GCN1: variants seen among roughly 807,000 people sequenced by gnomAD.
GCN1 encodes GCN1 activator of EIF2AK4, also known as stalled ribosome sensor GCN1.
Under a neutral mutation model 288.4 loss-of-function variants are expected in GCN1, and 90 were observed. The observed-to-expected ratio is 0.31, with a 90% CI of 0.26 to 0.37. GCN1 has a LOEUF of 0.37. Among genes scored for constraint, GCN1 ranks in the 10% least tolerant of loss-of-function variants. The pLI, the probability that GCN1 is intolerant of heterozygous loss-of-function variation, is 1.00. For missense variants in GCN1, 2,586 were observed against 3,419.9 expected, an observed-to-expected ratio of 0.76 and a Z score of 6.08; for synonymous variants, 1,386 against 1,420.2, an observed-to-expected ratio of 0.98 and a Z score of 0.54.
Position 120,144,960 on chromosome 12 carries a change from A to G in GCN1, c.5118T>C (p.Tyr1706=). The G allele has an allele frequency of 6.2e-7, 1 of 1,614,176 alleles. No individual in the cohort carries two copies. The highest frequency in any genetic ancestry group is 8.5e-7 in the Non-Finnish European group (1 of 1,180,028). ...LLPWLMETLT[Y]EQSSVDRSGA... ...CTGAGCGATCCACAGAGCTCTGCTC[A>G]TAGGTCAGTGTCTCCATCAGCCACG... is the stretch of plus-strand genomic sequence containing the variant. Residue 1706 remains tyrosine (Y), a synonymous_variant, in exon 40 of 58, where the codon TAT becomes TAC. Coordinates refer to ENST00000300648, the MANE Select transcript of GCN1 (RefSeq NM_006836.2). The surrounding 1 kb of genome is among the most constrained non-coding windows in gnomAD (Gnocchi z 4.7).
In GCN1 at chr12:120,150,049, G is replaced by C; in HGVS notation, c.4310-6C>G. 6.2e-7 allele frequency: 1 copy of C among 1,613,672 alleles called. No individual in the cohort carries two copies. Among genetic ancestry groups the C allele is most frequent in the Non-Finnish European group, 8.5e-7 (1 of 1,179,898 alleles). On this transcript the variant is annotated splice_polypyrimidine_tract_variant and splice_region_variant and intron_variant, in intron 34 of 57. Transcript: ENST00000300648. ...CTCGAAGGCAAAGAGGGCTCCTAGG[G>C]GAAAAGAAGGTGGGACGGCTGGGAA... is the stretch of plus-strand genomic sequence containing the variant.
At chr12:120,192,592 C>T (rs1342798690) in intron 1 of GCN1, among the ~76,000 whole-genome samples, 11 of 151,710 alleles carry the variant, frequency 7.3e-5, no homozygotes, top group Non-Finnish European at 1.5e-4. Flanking sequence ...ATTAGCTGGG[C>T]GTGGTGCCGG....
chr12:120,179,698 C>T (rs926498741), intron 5 of GCN1, among the ~76,000 whole-genome samples: 2 of 151,818 alleles, frequency 1.3e-5, no homozygotes, highest in Non-Finnish European at 2.9e-5. Flanking sequence ...TGCGCCCAGC[C>T]GGTCCCTGCT....
intron 2 of GCN1, among the ~76,000 whole-genome samples, chr12:120,186,184 C>T (rs1198081182): frequency 1.3e-5 from 2 of 152,008 alleles, no homozygotes; most frequent in African/African-American, 4.8e-5. Context: ...CCTAAAAATA[C>T]AAAAATTACC....
intron 1 of GCN1, among the ~76,000 whole-genome samples, chr12:120,192,816 G>A (rs549220884): frequency 5.1e-4 from 76 of 148,348 alleles, no homozygotes; most frequent in Non-Finnish European, 7.3e-4. Context: ...AGACAGAGGC[G>A]GACAGATTGC....
rs1168384033 is a variant in GCN1, at chr12:120,177,699, A to G, written c.714T>C (p.Pro238=). 6.2e-7 allele frequency: 1 copy of G among 1,613,276 alleles called. No homozygotes were observed. The highest frequency in any genetic ancestry group is 2.2e-5 in the East Asian group (1 of 44,878). The change falls in exon 8 of 58, where the codon CCT becomes CCC. Residue 238 remains proline (P), a synonymous_variant. Coordinates refer to ENST00000300648, the MANE Select transcript of GCN1 (RefSeq NM_006836.2). ...TCTCGCTCACCAACAGGTACTTCGG[A>G]GGCTTGACTTTGCTCATCAGGATGT... ...MKNILMSKVK[P]PKYLLDSCAP...
chr12:120,171,008 G>A (rs1000981222), intron 14 of GCN1, among the ~76,000 whole-genome samples: 21 of 151,770 alleles, frequency 1.4e-4, no homozygotes, highest in Admixed American at 5.9e-4. Context: ...GGGTGGGGTG[G>A]TGCACGCCTG....
chr12:120,144,333 C>A lies in GCN1; in HGVS notation c.5468G>T (p.Gly1823Val). 1 of 1,614,250 alleles carries A rather than the reference C, an allele frequency of 6.2e-7. No homozygotes were observed. The highest frequency in any genetic ancestry group is 8.5e-7 in the Non-Finnish European group (1 of 1,180,036). Residue 1823 changes from glycine (G) to valine (V), a missense_variant, in exon 42 of 58, where the codon GGC becomes GTC. Physicochemically the swap from Gly to Val is moderately radical, Grantham distance 109. Transcript: ENST00000300648. The surrounding 1 kb of genome is among the most constrained non-coding windows in gnomAD (Gnocchi z 4.7). Reference protein sequence around the residue: ...IALLLPQLEQGLFDDLWRIRF... With the variant: ...IALLLPQLEQVLFDDLWRIRF... The stretch of plus-strand genomic sequence containing the variant: ...GATTCTCCAAAGGTCATCAAAGAGG[C>A]CTTGCTCTAGCTGGGGCAGCAGCAG...
Position 120,168,254 on chromosome 12 carries a change from C to T in GCN1, c.1566G>A (p.Lys522=). 1 of 1,610,416 alleles carries T rather than the reference C, an allele frequency of 6.2e-7. No homozygotes were observed. Among genetic ancestry groups the T allele is most frequent in the Non-Finnish European group, 8.5e-7 (1 of 1,176,616 alleles). The part of the protein sequence containing the change: ...SFWQLIVDEK[K]QVFTSEKFLV... ...GGAATTTCTCAGAAGTGAAAACCTG[C>T]TTTTTCTCATCCACAATCAACTGCC... Residue 522 remains lysine (K), a synonymous_variant, in exon 16 of 58, where the codon AAG becomes AAA. Coordinates refer to ENST00000300648, the MANE Select transcript of GCN1 (RefSeq NM_006836.2).
chr12:120,142,128 C>T lies in GCN1; in HGVS notation c.5829+379G>A, dbSNP rs979763405. Among the ~76,000 whole-genome samples the T allele has an allele frequency of 6.6e-6, 1 of 152,018 alleles. No individual in the cohort carries two copies. The highest frequency in any genetic ancestry group is 2.4e-5 in the African/African-American group (1 of 41,372). On this transcript the variant is annotated intron_variant, in intron 44 of 57. Transcript: ENST00000300648. This position sits in a 1 kb window ranked among gnomAD's most constrained non-coding sequence, Gnocchi z 4.9. ...CATCACGAGGTCAGGAGATCGAGACCGTCCTGGCTAACGTGCTGAAACCCC... is the reference window on the plus strand; with the variant it reads ...CATCACGAGGTCAGGAGATCGAGACTGTCCTGGCTAACGTGCTGAAACCCC...
intron 2 of GCN1, among the ~76,000 whole-genome samples, chr12:120,188,425 C>T (rs1391079970): frequency 7.6e-6 from 1 of 130,904 alleles, no homozygotes; most frequent in Non-Finnish European, 1.6e-5. Context: ...CAGAGGGAGA[C>T]TCTGTCTCAC....
chr12:120,129,988 G>A (rs777788168), intron 56 of GCN1, among the ~76,000 whole-genome samples: 1 of 152,184 alleles, frequency 6.6e-6, no homozygotes, highest in Non-Finnish European at 1.5e-5. Context: ...AGGCTCAATC[G>A]AATCAGGCCC....
At chr12:120,151,036 C>T in intron 34 of GCN1, 109 bp downstream of exon 34, 1 of 1,221,328 alleles carries the variant, frequency 8.2e-7, no homozygotes, top group Non-Finnish European at 1.2e-6. Flanking sequence ...CTCTGTAGTA[C>T]ACGCACAAGC....
chr12:120,188,888 T>C (rs1346807304), intron 2 of GCN1, among the ~76,000 whole-genome samples: 2 of 152,052 alleles, frequency 1.3e-5, no homozygotes, highest in Admixed American at 1.3e-4. Flanking sequence ...GTATACTACT[T>C]GAGAAAGGTT....
chr12:120,190,444 A>G (rs766884933), intron 1 of GCN1, 44 bp from the exon 2 acceptor site: 7 of 1,040,006 alleles, frequency 6.7e-6, no homozygotes, highest in Non-Finnish European at 1.1e-5. Context: ...TCAGACTATA[A>G]AACTATGAGT....
In GCN1 at chr12:120,178,858, C is replaced by G; in HGVS notation, c.519G>C (p.Trp173Cys). The G allele has an allele frequency of 6.2e-7, 1 of 1,614,164 alleles. No individual in the cohort carries two copies. The highest frequency in any genetic ancestry group is 1.3e-5 in the African/African-American group (1 of 75,066). Residue 173 changes from tryptophan (W) to cysteine (C), a missense_variant, in exon 6 of 58, where the codon TGG becomes TGC. Coordinates refer to ENST00000300648, the MANE Select transcript of GCN1 (RefSeq NM_006836.2). ...GCCCCTGCAGTCCTGTCACCTCTTTCCACAGCTTCGTGAGTTTCTTCACAG... is the reference window on the plus strand; with the variant it reads ...GCCCCTGCAGTCCTGTCACCTCTTTGCACAGCTTCGTGAGTTTCTTCACAG... The part of the protein sequence containing the change: ...DGAVKKLTKL[W>C]KENPGLVEQY...
chr12:120,183,468 C>G (rs1878728635), intron 5 of GCN1, 101 bp downstream of exon 5: 2 of 770,710 alleles, frequency 2.6e-6, no homozygotes, highest in African/African-American at 1.7e-5. Context: ...TCTGGTCACC[C>G]AGCACCCAGA....
intron 5 of GCN1, among the ~76,000 whole-genome samples, chr12:120,179,180 C>T (rs910922807): frequency 5.9e-5 from 9 of 152,144 alleles, no homozygotes; most frequent in Non-Finnish European, 8.8e-5. Flanking sequence ...ATTTGGTGAT[C>T]ACCTATTATG....
Position 120,127,779 on chromosome 12 carries a change from A to G in GCN1, c.*70T>C, listed in dbSNP as rs201355068. 2.4e-5 allele frequency: 37 copies of G among 1,550,152 alleles called. No homozygotes were observed. Among genetic ancestry groups the G allele is most frequent in the Non-Finnish European group, 3.2e-5 (36 of 1,129,890 alleles). ...ATCTTCCAAGCTCCCCATTGGAACA[A>G]ATGTATTTTCAAAAATGAAAACATT... On this transcript the variant is annotated 3_prime_UTR_variant, in exon 58 of 58. Coordinates refer to ENST00000300648, the MANE Select transcript of GCN1 (RefSeq NM_006836.2).
Sources: gnomAD v4.1 joint callset for allele counts (sites outside exome capture counted in the v4.1 genomes callset) on GRCh38, gnomAD v4.1.1 for gene constraint, Gnocchi (gnomAD v3.1) non-coding constraint, MANE v1.5 for transcripts, NCBI Gene and HGNC (gene_info 2026-07-23, HGNC 2026-07-21) for gene names.